The following RTN3 variants were observed in gnomAD, a reference collection of about 807,000 sequenced individuals.
RTN3 encodes reticulon 3.
Under a neutral mutation model 77.8 loss-of-function variants are expected in RTN3, and 49 were observed. That is an observed-to-expected ratio of 0.63 (90% confidence interval 0.50 to 0.80). The LOEUF is 0.80. Ranked by LOEUF, RTN3 falls within the 30% of genes least tolerant of loss-of-function variation. The probability of loss-of-function intolerance (pLI) is 0.00; values close to 1 mark genes in which losing one functional copy is unlikely to be tolerated. For missense variants in RTN3, 1,236 were observed against 1,211.9 expected, an observed-to-expected ratio of 1.02 and a Z score of -0.29; for synonymous variants, 464 against 446.9, an observed-to-expected ratio of 1.04 and a Z score of -0.48.
At chr11:63,751,906 A>G (rs1427395176) in intron 4 of RTN3, among the ~76,000 whole-genome samples, 4 of 152,024 alleles carry the variant, frequency 2.6e-5, no homozygotes, top group Non-Finnish European at 4.4e-5. Flanking sequence ...GCAGGAGAAT[A>G]TCTTGAACCC....
intron 3 of RTN3, among the ~76,000 whole-genome samples, chr11:63,722,082 A>C (rs1342461578): frequency 6.6e-6 from 1 of 152,138 alleles, no homozygotes; most frequent in African/African-American, 2.4e-5. Flanking sequence ...AATGCTGTCT[A>C]TTCTGGGATC....
chr11:63,739,229 G>A lies in RTN3; in HGVS notation c.2531-10762G>A, dbSNP rs923869620. ...TGATTTTACTTATGTAATGAATCAC[G>A]AAAAGAGAAAAAAGTAAGGTCCTTT... On this transcript the variant is annotated intron_variant, in intron 3 of 8. Coordinates refer to ENST00000377819, the MANE Select transcript of RTN3 (RefSeq NM_001265589.2). Among the ~76,000 whole-genome samples the A allele has an allele frequency of 7.3e-5, 11 of 151,490 alleles. No homozygotes were observed. In the South Asian group the frequency reaches 1.3e-3, roughly 17 times the overall value.
chr11:63,702,119 T>A (rs1347664552), intron 1 of RTN3, among the ~76,000 whole-genome samples: 1 of 152,222 alleles, frequency 6.6e-6, no homozygotes, highest in South Asian at 2.1e-4. Context: ...TTCTAATATT[T>A]GTGAAAATAT....
intron 1 of RTN3, among the ~76,000 whole-genome samples, chr11:63,699,736 A>G (rs1942142721): frequency 6.6e-6 from 1 of 151,740 alleles, no homozygotes; most frequent in Non-Finnish European, 1.5e-5. Context: ...CAAGCTTACC[A>G]CCTCTTCTGA....
Position 63,719,528 on chromosome 11 carries a change from G to A in RTN3, c.1026G>A (p.Trp342Ter), listed in dbSNP as rs1474802722. The part of the protein sequence containing the change: ...MHNFTNEILT[W>*]DLVPQVKQQT... ...ACTTTACTAACGAAATACTGACTTG[G>A]GATCTGGTTCCCCAAGTGAAACAAC... is the stretch of plus-strand genomic sequence containing the variant. Residue 342 changes from tryptophan to a stop codon, truncating the protein, a stop_gained, in exon 3 of 9, where the codon TGG (tryptophan) becomes TGA (stop). Transcript: ENST00000377819. LOFTEE classifies it high-confidence loss of function. The A allele has an allele frequency of 6.2e-7, 1 of 1,614,022 alleles. No homozygotes were observed. Among genetic ancestry groups the A allele is most frequent in the Non-Finnish European group, 8.5e-7 (1 of 1,180,036 alleles).
intron 3 of RTN3, among the ~76,000 whole-genome samples, chr11:63,739,317 A>C (rs2013325823): frequency 6.6e-6 from 1 of 152,230 alleles, no homozygotes; most frequent in Non-Finnish European, 1.5e-5. Context: ...AAGTAAGGGA[A>C]CATTGACTTC....
chr11:63,698,618 C>G (rs1413239805), intron 1 of RTN3: 1 of 169,888 alleles, frequency 5.9e-6, no homozygotes, highest in African/African-American at 2.4e-5. Flanking sequence ...ATCAAGTGGC[C>G]AATCTCAGCA....
At chr11:63,690,006 C>T (rs1941571969) in intron 1 of RTN3, among the ~76,000 whole-genome samples, 1 of 151,998 alleles carries the variant, frequency 6.6e-6, no homozygotes, top group Admixed American at 6.6e-5. Context: ...GAACTGCCCC[C>T]GCCTCGGCCT....
intron 3 of RTN3, among the ~76,000 whole-genome samples, chr11:63,727,334 AAG>A (rs1340438453): frequency 5.3e-5 from 8 of 152,234 alleles, no homozygotes; most frequent in Non-Finnish European, 1.2e-4. Context: ...TCTGAAGAAA[AAG>A]AGACAATCGA....
At chr11:63,702,351 G>A (rs1365944715) in intron 1 of RTN3, among the ~76,000 whole-genome samples, 1 of 149,874 alleles carries the variant, frequency 6.7e-6, no homozygotes, top group East Asian at 2.0e-4. Flanking sequence ...GTCTCGCCCT[G>A]TCGCCCAGGC....
At chr11:63,689,179 T>C (rs1947026211) in intron 1 of RTN3, among the ~76,000 whole-genome samples, 1 of 152,216 alleles carries the variant, frequency 6.6e-6, no homozygotes, top group Non-Finnish European at 1.5e-5. Context: ...TAATACTCTT[T>C]GTATTGTTCT....
In RTN3 at chr11:63,681,689, T is replaced by A; in HGVS notation, c.53T>A (p.Phe18Tyr). 1.2e-6 allele frequency: 2 copies of A among 1,611,434 alleles called. No homozygotes were observed. Among genetic ancestry groups the A allele is most frequent in the East Asian group, 4.5e-5 (2 of 44,728 alleles). The change falls in exon 1 of 9, where the codon TTC becomes TAC. Residue 18 changes from phenylalanine to tyrosine, a missense_variant. Around this residue, in one of 3 missense-constraint regions of RTN3, gnomAD observed 1,056 missense variants for 990.4 expected, o/e 1.07. Coordinates refer to ENST00000377819, the MANE Select transcript of RTN3 (RefSeq NM_001265589.2). ...TCCCATTCCATCTCCTCGTCGTCCT[T>A]CGGAGCCGAGCCGTCCGCGCCCGGC... ...TQSHSISSSS[F>Y]GAEPSAPGGG...
At chr11:63,732,044 A>G (rs2012728209) in intron 3 of RTN3, among the ~76,000 whole-genome samples, 1 of 152,202 alleles carries the variant, frequency 6.6e-6, no homozygotes, top group Non-Finnish European at 1.5e-5. Context: ...AAGAAGAGCA[A>G]AGTAAACCCA....
rs1184395870 is a variant in RTN3 at position 63,759,100 on chromosome 11, A to G, written c.*899A>G. ...TGCTGTAAACTTGTTAGAGAAAAAA[A>G]TAACCTGCATGTGGGCTCCTCAGTT... On this transcript the variant is annotated 3_prime_UTR_variant, in exon 9 of 9. Transcript: ENST00000377819. The G allele has an allele frequency of 1.3e-5, 2 of 152,240 alleles. No individual in the cohort carries two copies. Among genetic ancestry groups the G allele is most frequent in the Non-Finnish European group, 2.9e-5 (2 of 68,044 alleles). 9.4% of individuals were successfully genotyped at this position (152,240 alleles called of 1,614,324 possible). A position where few individuals can be genotyped will look rare whatever the true frequency, so the allele number is the denominator to read the frequency against.
At chr11:63,712,721 G>A (rs1342515331) in intron 2 of RTN3, among the ~76,000 whole-genome samples, 7 of 151,984 alleles carry the variant, frequency 4.6e-5, no homozygotes, top group African/African-American at 1.4e-4. Flanking sequence ...TCCTGACCTC[G>A]TGATCAGGAC....
chr11:63,728,697 G>C (rs1481424934), intron 3 of RTN3, among the ~76,000 whole-genome samples: 2 of 152,122 alleles, frequency 1.3e-5, no homozygotes, highest in Non-Finnish European at 2.9e-5. Flanking sequence ...AGACCAGCCT[G>C]ACCAACATGG....
intron 2 of RTN3, among the ~76,000 whole-genome samples, chr11:63,712,911 C>T (rs919680175): frequency 6.6e-6 from 1 of 152,062 alleles, no homozygotes; most frequent in Non-Finnish European, 1.5e-5. Flanking sequence ...GCCTAACCAA[C>T]GTGGAGAAAC....
chr11:63,691,808 C>T (rs1377488889), intron 1 of RTN3, among the ~76,000 whole-genome samples: 2 of 152,078 alleles, frequency 1.3e-5, no homozygotes, highest in Admixed American at 6.5e-5. Context: ...TTGTAGATGC[C>T]GCCTATCTGG....
At chr11:63,743,702 G>A (rs2013621162) in intron 3 of RTN3, among the ~76,000 whole-genome samples, 1 of 152,078 alleles carries the variant, frequency 6.6e-6, no homozygotes, top group Non-Finnish European at 1.5e-5. Flanking sequence ...ATCATCTGAG[G>A]TCAGGAGTTG....
Sources: allele counts gnomAD v4.1 joint callset (sites outside exome capture counted in the v4.1 genomes callset), GRCh38; gene constraint gnomAD v4.1.1; regional missense constraint gnomAD v4.1.1; transcripts MANE v1.5; gene names NCBI Gene and HGNC (gene_info 2026-07-23, HGNC 2026-07-21).